LRRC8C: variants seen among roughly 807,000 people sequenced by gnomAD.
LRRC8C encodes leucine rich repeat containing 8 VRAC subunit C, also known as volume-regulated anion channel subunit LRRC8C.
Under a neutral mutation model 55.3 loss-of-function variants are expected in LRRC8C, and 20 were observed. That is an observed-to-expected ratio of 0.36 (90% CI 0.25 to 0.53). The LOEUF (loss-of-function observed/expected upper bound fraction) is 0.53, where lower values mean the gene tolerates loss of function less well. Among genes scored for constraint, LRRC8C ranks in the 20% least tolerant of loss-of-function variants. The pLI, the probability that LRRC8C is intolerant of heterozygous loss-of-function variation, is 0.92. For missense variants in LRRC8C, 659 were observed against 951.4 expected (o/e 0.69, Z 4.04); for synonymous variants, 376 against 360.7 (o/e 1.04, Z -0.48).
chr1:89,661,822 G>C (rs1442406256), intron 1 of LRRC8C, among the ~76,000 whole-genome samples: 1 of 152,208 alleles, frequency 6.6e-6, no homozygotes, highest in African/African-American at 2.4e-5. Flanking sequence ...GATATGGTGT[G>C]ATATTAAATT....
chr1:89,703,716 T>A (rs557967176), intron 2 of LRRC8C, among the ~76,000 whole-genome samples: 2 of 152,034 alleles, frequency 1.3e-5, no homozygotes, highest in East Asian at 3.9e-4. Flanking sequence ...AGAACAGAAA[T>A]ACAGTCGCTA....
chr1:89,689,901 A>T (rs1657982526), intron 2 of LRRC8C, among the ~76,000 whole-genome samples: 1 of 152,100 alleles, frequency 6.6e-6, no homozygotes, highest in Non-Finnish European at 1.5e-5. Flanking sequence ...AGATCGCACC[A>T]TTGCACTGCA....
At chr1:89,652,322 T>A (rs1435460750) in intron 1 of LRRC8C, among the ~76,000 whole-genome samples, 1 of 152,172 alleles carries the variant, frequency 6.6e-6, no homozygotes, top group Non-Finnish European at 1.5e-5. Context: ...TAGTAATTAT[T>A]TCCAGGGGTA....
the LRRC8C span, chr1:89,626,262 C>G: frequency 6.6e-6 from 1 of 152,160 alleles, no homozygotes; most frequent in African/African-American, 2.4e-5. Flanking sequence ...GCAAAAAACT[C>G]CTATATGCTA....
chr1:89,618,509 T>C, the LRRC8C span, among the ~76,000 whole-genome samples: 3 of 152,148 alleles, frequency 2.0e-5, no homozygotes, highest in South Asian at 4.1e-4. Flanking sequence ...TCAGATGATT[T>C]CATGGAGATT....
At chr1:89,634,462 A>G (rs967960157) in intron 1 of LRRC8C, among the ~76,000 whole-genome samples, 37 of 152,280 alleles carry the variant, frequency 2.4e-4, no homozygotes, top group African/African-American at 8.7e-4. Context: ...ACGTAGCCTT[A>G]ACCAACAGTC....
rs1658783137 is a variant in LRRC8C, at chr1:89,715,200, TC to T, written c.*219del. The T allele has an allele frequency of 3.0e-6, 1 of 335,908 alleles. No individual in the cohort carries two copies. The highest frequency in any genetic ancestry group is 5.3e-6 in the Non-Finnish European group (1 of 189,222). 20.8% of individuals were successfully genotyped at this position (335,908 alleles called of 1,614,324 possible). ...GTCTTGAAACACAATGTATCTATTA[TC>T]TACTGACAGAAAGAGATAGTTCCAT... On this transcript the variant is annotated 3_prime_UTR_variant, in exon 3 of 3. Coordinates refer to ENST00000370454, the MANE Select transcript of LRRC8C (RefSeq NM_032270.5).
At chr1:89,667,237 A>C (rs767895699) in intron 1 of LRRC8C, among the ~76,000 whole-genome samples, 2 of 152,032 alleles carry the variant, frequency 1.3e-5, no homozygotes, top group African/African-American at 4.8e-5. Context: ...CCAAACTTCT[A>C]TCTCTATCCC....
chr1:89,683,432 A>G (rs1657784098), intron 1 of LRRC8C, among the ~76,000 whole-genome samples: 1 of 148,526 alleles, frequency 6.7e-6, no homozygotes, highest in African/African-American at 2.5e-5. Flanking sequence ...ATCTCGGCTC[A>G]CTGCAACCTT....
upstream of LRRC8C, among the ~76,000 whole-genome samples, chr1:89,629,995 C>T (rs1004021245): frequency 6.6e-6 from 1 of 151,996 alleles, no homozygotes. Context: ...CCCATCTCTA[C>T]TAAAAAAAAT....
intron 1 of LRRC8C, among the ~76,000 whole-genome samples, chr1:89,653,181 A>G (rs114771524): frequency 0.018 from 2,675 of 152,322 alleles, 99 homozygotes; most frequent in African/African-American, 0.061. Context: ...GTCTCAGGGC[A>G]TTTGTACTCA....
rs147530701 is a variant in LRRC8C at position 89,714,145 on chromosome 1, A to G, written c.1575A>G (p.Leu525=). The change falls in exon 3 of 3, where the codon CTA becomes CTG. Residue 525 remains leucine, a synonymous_variant. Transcript: ENST00000370454. The surrounding 1 kb of genome is among the most constrained non-coding windows in gnomAD (Gnocchi z 4.6). ...AAGAGCTGTACCTAGTTGGCTCTCT[A>G]AGTCATGATATTTCCAGAAATGTCA... ...NLEELYLVGS[L]SHDISRNVTL... is the part of the protein sequence containing the mutation. 2.3e-4 allele frequency: 366 copies of G among 1,614,072 alleles called. No homozygotes were observed. The East Asian group carries it at 7.5e-3, about 33-fold the overall frequency.
intron 2 of LRRC8C, among the ~76,000 whole-genome samples, chr1:89,712,490 T>A (rs1294789657): frequency 6.6e-6 from 1 of 152,226 alleles, no homozygotes; most frequent in African/African-American, 2.4e-5. Context: ...GAAAAAACAC[T>A]GTTTTATGTC....
intron 2 of LRRC8C, among the ~76,000 whole-genome samples, chr1:89,701,878 C>A (rs917822531): frequency 1.3e-5 from 2 of 152,124 alleles, no homozygotes; most frequent in African/African-American, 4.8e-5. Context: ...AATTGCTGGG[C>A]TCTTATCCAA....
intron 1 of LRRC8C, among the ~76,000 whole-genome samples, chr1:89,642,075 A>G (rs899474304): frequency 1.3e-5 from 2 of 152,200 alleles, no homozygotes; most frequent in African/African-American, 4.8e-5. Flanking sequence ...AGTAATTTTT[A>G]TAGTACTTTC....
At chr1:89,700,616 G>A (rs948809904) in intron 2 of LRRC8C, among the ~76,000 whole-genome samples, 25 of 152,210 alleles carry the variant, frequency 1.6e-4, no homozygotes, top group Admixed American at 9.2e-4. Context: ...AGATCTTTGG[G>A]ATGTGATTTT....
chr1:89,636,529 G>A (rs1409105742), intron 1 of LRRC8C, among the ~76,000 whole-genome samples: 4 of 151,562 alleles, frequency 2.6e-5, no homozygotes, highest in Non-Finnish European at 4.4e-5. Context: ...GTATTTTTTG[G>A]CAAACATACT....
At chr1:89,654,923 G>A (rs1381299447) in intron 1 of LRRC8C, among the ~76,000 whole-genome samples, 1 of 142,394 alleles carries the variant, frequency 7.0e-6, no homozygotes, top group East Asian at 2.1e-4. Context: ...GCCCAGACTG[G>A]ATTTGAACTC....
chr1:89,621,710 T>C, the LRRC8C span, among the ~76,000 whole-genome samples: 1 of 152,228 alleles, frequency 6.6e-6, no homozygotes. Context: ...GGTAGAGAAT[T>C]AGTAACTTTT....
Sources: gnomAD v4.1 joint callset for allele counts (sites outside exome capture counted in the v4.1 genomes callset) on GRCh38, gnomAD v4.1.1 for gene constraint, Gnocchi (gnomAD v3.1) non-coding constraint, MANE v1.5 for transcripts, NCBI Gene and HGNC (gene_info 2026-07-23, HGNC 2026-07-21) for gene names.